Variants in ZNF519 observed in about 807,000 individuals in gnomAD.
The protein encoded by ZNF519 is zinc finger protein 519.
Under a neutral mutation model 7.4 loss-of-function variants are expected in ZNF519, and 7 were observed. That is an observed-to-expected ratio of 0.94 (90% CI 0.54 to 1.77). The LOEUF is 1.77. Ranked by LOEUF, ZNF519 falls within the 40% of genes most tolerant of loss-of-function variation. ZNF519 has a pLI of 0.00. For synonymous variants in ZNF519, 179 were observed against 203.3 expected (o/e 0.88, Z 1.02); for missense variants, 586 against 623.1 (o/e 0.94, Z 0.63).
At chr18:14,107,725 G>A (rs1469372229) in intron 2 of ZNF519, among the ~76,000 whole-genome samples, 2 of 152,126 alleles carry the variant, frequency 1.3e-5, no homozygotes, top group Non-Finnish European at 2.9e-5. Context: ...ACCAGGCCAA[G>A]CATCATTCAC....
At chr18:14,112,292 T>A (rs1023277652) in intron 2 of ZNF519, among the ~76,000 whole-genome samples, 1 of 152,006 alleles carries the variant, frequency 6.6e-6, no homozygotes, top group African/African-American at 2.4e-5. Flanking sequence ...ACAGAAACCC[T>A]CAAAACTATA....
At chr18:14,131,786 G>A (rs866517182) in intron 1 of ZNF519, among the ~76,000 whole-genome samples, 9 of 152,036 alleles carry the variant, frequency 5.9e-5, no homozygotes, top group Non-Finnish European at 8.8e-5. Context: ...AATTGTCTTT[G>A]CTTCCTCACA....
intron 2 of ZNF519, among the ~76,000 whole-genome samples, chr18:14,117,061 G>C (rs1227923809): frequency 6.6e-6 from 1 of 152,062 alleles, no homozygotes; most frequent in Non-Finnish European, 1.5e-5. Flanking sequence ...TCTCAGCAAT[G>C]TTTTCTTGCA....
chr18:14,071,718 T>C (rs572148756), downstream of ZNF519: 1 of 152,080 alleles, frequency 6.6e-6, no homozygotes, highest in Non-Finnish European at 1.5e-5. Context: ...CCAATACTTC[T>C]ATGATATGAC....
chr18:14,106,770 T>C (rs566903742), intron 2 of ZNF519, among the ~76,000 whole-genome samples: 163 of 152,172 alleles, frequency 1.1e-3, no homozygotes, highest in Middle Eastern at 3.4e-3. Context: ...TGTCACATAC[T>C]ATGTAGATAG....
intron 1 of ZNF519, among the ~76,000 whole-genome samples, chr18:14,127,806 T>C (rs1156736379): frequency 2.6e-5 from 4 of 152,080 alleles, no homozygotes; most frequent in Non-Finnish European, 5.9e-5. Context: ...GGACTGTAGA[T>C]TCCAAAGAGA....
intron 2 of ZNF519, among the ~76,000 whole-genome samples, chr18:14,087,407 T>C (rs1279897581): frequency 6.6e-6 from 1 of 152,226 alleles, no homozygotes; most frequent in Non-Finnish European, 1.5e-5. Flanking sequence ...ATATTATTTT[T>C]ATTAGAAAAT....
intron 2 of ZNF519, among the ~76,000 whole-genome samples, chr18:14,086,119 G>A (rs2046089496): frequency 6.6e-6 from 1 of 152,208 alleles, no homozygotes; most frequent in African/African-American, 2.4e-5. Context: ...CTGGAGGGAA[G>A]GAAAGGAAAG....
At chr18:14,086,825 G>A (rs2046092316) in intron 2 of ZNF519, among the ~76,000 whole-genome samples, 2 of 152,066 alleles carry the variant, frequency 1.3e-5, no homozygotes, top group Non-Finnish European at 2.9e-5. Context: ...AAAATGTAAT[G>A]AACCAAATAA....
chr18:14,084,023 C>A (rs28393926), intron 3 of ZNF519, among the ~76,000 whole-genome samples: 3,361 of 152,236 alleles, frequency 0.022, 127 homozygotes, highest in African/African-American at 0.074. Context: ...GGCCTCTTCA[C>A]AGGCCCATTT....
At chr18:14,111,558 AG>A (rs1351767533) in intron 2 of ZNF519, among the ~76,000 whole-genome samples, 1 of 151,608 alleles carries the variant, frequency 6.6e-6, no homozygotes, top group Non-Finnish European at 1.5e-5. Flanking sequence ...AAAGAAAAAA[AG>A]ACTCAAATAA....
At chr18:14,120,925 G>A (rs765494965) in intron 2 of ZNF519, among the ~76,000 whole-genome samples, 9 of 151,988 alleles carry the variant, frequency 5.9e-5, no homozygotes, top group Non-Finnish European at 8.8e-5. Flanking sequence ...CCCCATGTTC[G>A]TTGTAGTATT....
downstream of ZNF519, among the ~76,000 whole-genome samples, chr18:14,095,588 G>C (rs2046132946): frequency 6.6e-6 from 1 of 152,174 alleles, no homozygotes; most frequent in Non-Finnish European, 1.5e-5. Flanking sequence ...ATACAAATAA[G>C]GACAAGAGAC....
At position 14,103,896 on chromosome 18, in the gene ZNF519, A is replaced by T. The variant is rs1029388294; in HGVS notation, c.*1021T>A. On this transcript the variant is annotated 3_prime_UTR_variant, in exon 3 of 3. Coordinates refer to ENST00000590202, the MANE Select transcript of ZNF519 (RefSeq NM_145287.4). ...TTAAAAGACATTTCATTTTATTCTT[A>T]AAAAAAAATTAAGTTTACAGACTGA... The T allele has an allele frequency of 5.5e-5, 8 of 144,524 alleles. No individual in the cohort carries two copies. The highest frequency in any genetic ancestry group is 2.0e-4 in the African/African-American group (7 of 34,716). The allele number at this position is 144,524 out of a possible 1,614,324, so 9.0% of individuals were successfully genotyped here. A position where few individuals can be genotyped will look rare whatever the true frequency, so the allele number is the denominator to read the frequency against.
chr18:14,077,941 T>C (rs1188137203), intron 4 of ZNF519, among the ~76,000 whole-genome samples: 2 of 152,174 alleles, frequency 1.3e-5, no homozygotes, highest in African/African-American at 4.8e-5. Context: ...CCAACCTTTT[T>C]GGCACCTGGG....
chr18:14,086,902 GAA>G (rs1213239379), intron 2 of ZNF519, among the ~76,000 whole-genome samples: 1 of 145,334 alleles, frequency 6.9e-6, no homozygotes, highest in African/African-American at 2.6e-5. Context: ...CAGGCTTTTT[GAA>G]AAGATATCAA....
At chr18:14,080,587 T>TG (rs1413272321) in intron 3 of ZNF519, among the ~76,000 whole-genome samples, 11 of 152,178 alleles carry the variant, frequency 7.2e-5, no homozygotes, top group African/African-American at 2.4e-4. Flanking sequence ...CCCAAAGTGC[T>TG]GGGATTACAG....
intron 1 of ZNF519, among the ~76,000 whole-genome samples, chr18:14,129,230 G>A (rs1336260896): frequency 6.6e-6 from 1 of 152,196 alleles, no homozygotes; most frequent in Non-Finnish European, 1.5e-5. Context: ...GAGATTCAGT[G>A]TCTACAGTTG....
At chr18:14,099,360 G>GA (rs567116516), downstream of ZNF519, among the ~76,000 whole-genome samples, 364 of 152,240 alleles carry the variant, frequency 2.4e-3, no homozygotes, top group Non-Finnish European at 3.9e-3. Flanking sequence ...GCTCTGTGAG[G>GA]AAAGCATTAT....
Sources: allele counts gnomAD v4.1 joint callset (sites outside exome capture counted in the v4.1 genomes callset), GRCh38; gene constraint gnomAD v4.1.1; transcripts MANE v1.5; gene names NCBI Gene and HGNC (gene_info 2026-07-23, HGNC 2026-07-21).